The following CHDH variants were observed in gnomAD, a reference collection of about 807,000 sequenced individuals.
The protein encoded by CHDH is choline dehydrogenase, mitochondrial.
In CHDH, 43 loss-of-function variants were observed where a neutral mutation model predicts 56.9. That is an observed-to-expected ratio of 0.76 (90% CI 0.59 to 0.97). CHDH has a LOEUF of 0.97. CHDH is among the 50% of genes least tolerant of loss of function. The probability of loss-of-function intolerance (pLI) is 0.00; values close to 1 mark genes in which losing one functional copy is unlikely to be tolerated. For synonymous variants in CHDH, 364 were observed against 348.5 expected (o/e 1.04, Z -0.50); for missense variants, 816 against 821.1 (o/e 0.99, Z 0.08).
rs1323221327 is a variant in CHDH, at chr3:53,818,097, C to G, written c.1465G>C (p.Gly489Arg). ...TCTTTATCTGACTGAATGTGGCTTC[C>G]TGGCTGGAGCTCTTTCCCTCGGAAC... ...APFRGKELQP[G>R]SHIQSDKEID... The change falls in exon 9 of 9, where the codon GGA becomes CGA. Residue 489 changes from glycine (G) to arginine (R), a missense_variant. Physicochemically the swap from Gly to Arg is moderately radical, Grantham distance 125. Transcript: ENST00000315251. The G allele has an allele frequency of 6.2e-7, 1 of 1,614,116 alleles. No individual in the cohort carries two copies. The highest frequency in any genetic ancestry group is 2.2e-5 in the East Asian group (1 of 44,884).
At position 53,817,154 on chromosome 3, in the gene CHDH, C is replaced by T. The variant is rs1358324273; in HGVS notation, c.*623G>A. 1 of 153,148 alleles carries T rather than the reference C, an allele frequency of 6.5e-6. No individual in the cohort carries two copies. Among genetic ancestry groups the T allele is most frequent in the East Asian group, 1.9e-4 (1 of 5,198 alleles). 9.5% of individuals were successfully genotyped at this position (153,148 alleles called of 1,614,324 possible). A position where few individuals can be genotyped will look rare whatever the true frequency, so the allele number is the denominator to read the frequency against. On this transcript the variant is annotated 3_prime_UTR_variant, in exon 9 of 9. Transcript: ENST00000315251. ...TTTAATAAGAACCAGAGCCACAACC[C>T]TCTCAGAGTGACCCAGTGGAGCCCC... is the stretch of plus-strand genomic sequence containing the variant.
intron 2 of CHDH, among the ~76,000 whole-genome samples, chr3:53,828,601 C>G (rs1283447036): frequency 1.3e-5 from 2 of 152,196 alleles, no homozygotes; most frequent in Non-Finnish European, 1.5e-5. Context: ...TTAACAGACA[C>G]CTCACTAAAG....
chr3:53,828,814 CA>C (rs761850848), intron 2 of CHDH, among the ~76,000 whole-genome samples: 85 of 152,330 alleles, frequency 5.6e-4, no homozygotes, highest in Non-Finnish European at 1.0e-3. Flanking sequence ...CTAAATGGTA[CA>C]GCCACTTTGG....
chr3:53,843,448 G>A (rs1342815135), intron 1 of CHDH, among the ~76,000 whole-genome samples: 1 of 152,066 alleles, frequency 6.6e-6, no homozygotes, highest in Non-Finnish European at 1.5e-5. Flanking sequence ...ATCTCACCGC[G>A]CTGTGGCTGC....
In CHDH at chr3:53,821,795, G is replaced by C. The variant is rs372502015; in HGVS notation, c.856-19C>G. The C allele has an allele frequency of 3.4e-5, 55 of 1,612,122 alleles. No individual in the cohort carries two copies. The African/African-American group carries it at 6.9e-4, about 20-fold the overall frequency. Reference sequence around the variant, plus strand: ...CATAAGCCTGGAAGAGGTCCAGCCAGGTCACTCCCTGAAAAGCCAGCTGTT... The same window carrying C: ...CATAAGCCTGGAAGAGGTCCAGCCACGTCACTCCCTGAAAAGCCAGCTGTT... On this transcript the variant is annotated intron_variant, in intron 4 of 8. Coordinates refer to ENST00000315251, the MANE Select transcript of CHDH (RefSeq NM_018397.5).
chr3:53,840,596 C>G (rs1237442511), intron 2 of CHDH, among the ~76,000 whole-genome samples: 1 of 152,006 alleles, frequency 6.6e-6, no homozygotes, highest in Non-Finnish European at 1.5e-5. Flanking sequence ...CAAAACAGGA[C>G]CCCCACGAGG....
In CHDH at chr3:53,819,523, C is replaced by T. The variant is rs908357485; in HGVS notation, c.1263+9G>A. The stretch of plus-strand genomic sequence containing the variant: ...ATCCTGGGAAGCCGAGGCTCTTCCA[C>T]CTGCTCACCTGGTAAGCCTCCTGCT... On this transcript the variant is annotated intron_variant, in intron 7 of 8. Transcript: ENST00000315251. The surrounding 1 kb of genome is among the most constrained non-coding windows in gnomAD (Gnocchi z 5.4). 1 of 1,600,052 alleles carries T rather than the reference C, an allele frequency of 6.2e-7. No individual in the cohort carries two copies.
chr3:53,835,431 G>C (rs1414908761), intron 2 of CHDH, among the ~76,000 whole-genome samples: 3 of 152,218 alleles, frequency 2.0e-5, no homozygotes, highest in Non-Finnish European at 2.9e-5. Flanking sequence ...CTTCACACCT[G>C]TCACTGTGCC....
intron 2 of CHDH, among the ~76,000 whole-genome samples, chr3:53,827,668 T>G (rs2095641412): frequency 6.6e-6 from 1 of 152,038 alleles, no homozygotes; most frequent in Non-Finnish European, 1.5e-5. Flanking sequence ...AAAGAAATAC[T>G]TAGGTATAAA....
chr3:53,824,412 G>C (rs1335563090), intron 2 of CHDH, among the ~76,000 whole-genome samples: 2 of 152,244 alleles, frequency 1.3e-5, no homozygotes, highest in Non-Finnish European at 2.9e-5. Flanking sequence ...CAGAGTATTT[G>C]TACTCATCCC....
chr3:53,817,955 C>T lies in CHDH; in HGVS notation c.1607G>A (p.Gly536Glu). The T allele has an allele frequency of 1.9e-6, 3 of 1,614,214 alleles. No homozygotes were observed. Among genetic ancestry groups the T allele is most frequent in the Non-Finnish European group, 2.5e-6 (3 of 1,180,050 alleles). The change falls in exon 9 of 9, where the codon GGG becomes GAG. Residue 536 changes from glycine (G) to glutamate (E), a missense_variant. Transcript: ENST00000315251. The part of the protein sequence containing the change: ...AVVDPQTRVL[G>E]VENLRVVDAS... Reference sequence around the variant, plus strand: ...ATCGACGACCCTGAGGTTTTCCACCCCGAGGACCCTTGTCTGCGGATCCAC... The same window carrying T: ...ATCGACGACCCTGAGGTTTTCCACCTCGAGGACCCTTGTCTGCGGATCCAC...
intron 2 of CHDH, among the ~76,000 whole-genome samples, chr3:53,840,630 G>A (rs2106986255): frequency 6.6e-6 from 1 of 152,242 alleles, no homozygotes; most frequent in Admixed American, 6.5e-5. Context: ...GTTATGTGAA[G>A]AGAACACAAA....
At chr3:53,832,946 G>T (rs1185191686) in intron 2 of CHDH, among the ~76,000 whole-genome samples, 1 of 152,172 alleles carries the variant, frequency 6.6e-6, no homozygotes, top group African/African-American at 2.4e-5. Context: ...TCCTACATGC[G>T]ACTGAATTCT....
At chr3:53,822,447 C>G in intron 4 of CHDH, 44 bp downstream of exon 4, 1 of 1,567,018 alleles carries the variant, frequency 6.4e-7, no homozygotes, top group South Asian at 1.2e-5. Flanking sequence ...ACCAGGGTCA[C>G]TGCCCACCCC....
chr3:53,824,073 A>C lies in CHDH; in HGVS notation c.-59-6T>G. On this transcript the variant is annotated splice_polypyrimidine_tract_variant and splice_region_variant and intron_variant, in intron 2 of 8. Transcript: ENST00000315251. ...ATGAGATGACTCACTTCTCCCTAAA[A>C]CAGGAAGAGGGGCTTTAAAAATCTT... The C allele has an allele frequency of 7.4e-7, 1 of 1,357,614 alleles. No homozygotes were observed. Among genetic ancestry groups the C allele is most frequent in the Non-Finnish European group, 9.6e-7 (1 of 1,044,472 alleles). 84.1% of individuals were successfully genotyped at this position (1,357,614 alleles called of 1,614,324 possible).
chr3:53,817,518 G>T lies in CHDH; in HGVS notation c.*259C>A. On this transcript the variant is annotated 3_prime_UTR_variant, in exon 9 of 9. Transcript: ENST00000315251. Reference sequence around the variant, plus strand: ...ATCCTCCCCTTCTGTCCCTCCAGGAGGCAGGGAGGAACATCTCAGGCTGAA... The same window carrying T: ...ATCCTCCCCTTCTGTCCCTCCAGGATGCAGGGAGGAACATCTCAGGCTGAA... 2.0e-6 allele frequency: 1 copy of T among 501,946 alleles called. No homozygotes were observed. Among genetic ancestry groups the T allele is most frequent in the Non-Finnish European group, 3.5e-6 (1 of 286,662 alleles). 31.1% of individuals were successfully genotyped at this position (501,946 alleles called of 1,614,324 possible).
In CHDH at chr3:53,813,380, C is replaced by G. The variant is rs751568172; in HGVS notation, c.*4397G>C. ...GTCATTTGCCAGTGAGAGCCTCCGA[C>G]AGGGCAGGTACTGTGCCAGGGCAGC... On this transcript the variant is annotated 3_prime_UTR_variant, in exon 9 of 9. Coordinates refer to ENST00000315251, the MANE Select transcript of CHDH (RefSeq NM_018397.5). The G allele has an allele frequency of 2.6e-5, 4 of 152,206 alleles. No individual in the cohort carries two copies. The highest frequency in any genetic ancestry group is 1.3e-4 in the Admixed American group (2 of 15,278). 9.4% of individuals were successfully genotyped at this position (152,206 alleles called of 1,614,324 possible).
At chr3:53,821,805 T>C (rs765292151) in intron 4 of CHDH, 29 bp from the exon 5 acceptor site, 1 of 1,610,566 alleles carries the variant, frequency 6.2e-7, no homozygotes, top group East Asian at 2.2e-5. Flanking sequence ...GGTCACTCCC[T>C]GAAAAGCCAG....
chr3:53,820,644 C>T (rs773741255), intron 5 of CHDH, 36 bp from the exon 6 acceptor site: 3 of 1,592,112 alleles, frequency 1.9e-6, no homozygotes, highest in African/African-American at 1.3e-5. Context: ...AAATGGCTAC[C>T]AAGGGGGCTC....
Sources: allele counts gnomAD v4.1 joint callset (sites outside exome capture counted in the v4.1 genomes callset), GRCh38; gene constraint gnomAD v4.1.1; non-coding constraint Gnocchi (gnomAD v3.1); transcripts MANE v1.5; gene names NCBI Gene and HGNC (gene_info 2026-07-23, HGNC 2026-07-21).